APAF1: variants seen among roughly 807,000 people sequenced by gnomAD.
APAF1 encodes apoptotic peptidase activating factor 1, also known as apoptotic protease-activating factor 1.
A neutral mutation model predicts 152.4 loss-of-function variants in APAF1; 91 were observed. The observed-to-expected ratio is 0.60, with a 90% CI of 0.50 to 0.71. The LOEUF is 0.71. Ranked by LOEUF, APAF1 falls within the 30% of genes least tolerant of loss-of-function variation. The pLI is 0.00. For missense variants in APAF1, 1,283 were observed against 1,472.0 expected (o/e 0.87, Z 2.10); for synonymous variants, 484 against 494.1 (o/e 0.98, Z 0.27).
rs893640468 is a variant in APAF1, at chr12:98,735,268, A to C, written c.*2702A>C. On this transcript the variant is annotated 3_prime_UTR_variant, in exon 27 of 27. Transcript: ENST00000551964. ...TTTTTTGTATTATAAATTACATTGGACTTCATATATATAATTTTTTTTTAC... is the reference window on the plus strand; with the variant it reads ...TTTTTTGTATTATAAATTACATTGGCCTTCATATATATAATTTTTTTTTAC... The C allele has an allele frequency of 6.0e-5, 24 of 399,544 alleles. No homozygotes were observed. The highest frequency in any genetic ancestry group is 2.2e-4 in the Admixed American group (5 of 22,812). 24.7% of individuals were successfully genotyped at this position (399,544 alleles called of 1,614,324 possible).
intron 5 of APAF1, among the ~76,000 whole-genome samples, chr12:98,659,715 G>A (rs1367810944): frequency 7.7e-6 from 1 of 129,982 alleles, no homozygotes; most frequent in African/African-American, 2.9e-5. Flanking sequence ...TCGTGCCATT[G>A]CACTCTAGCC....
chr12:98,683,172 A>G lies in APAF1; in HGVS notation c.2076A>G (p.Val692=). Residue 692 remains valine, a synonymous_variant, in exon 15 of 27, where the codon GTA becomes GTG. Coordinates refer to ENST00000551964, the MANE Select transcript of APAF1 (RefSeq NM_181861.2). ...KIWNSMTGEL[V]HTYDEHSEQV... is the part of the protein sequence containing the mutation. Reference sequence around the variant, plus strand: ...GGAATTCTATGACTGGGGAACTAGTACACACCTATGATGAGCACTCAGAGC... The same window carrying G: ...GGAATTCTATGACTGGGGAACTAGTGCACACCTATGATGAGCACTCAGAGC... The G allele has an allele frequency of 6.2e-7, 1 of 1,612,946 alleles. No individual in the cohort carries two copies. The highest frequency in any genetic ancestry group is 1.3e-5 in the African/African-American group (1 of 75,002).
chr12:98,724,623 C>T (rs946864518), intron 24 of APAF1, among the ~76,000 whole-genome samples: 3 of 152,204 alleles, frequency 2.0e-5, no homozygotes, highest in Non-Finnish European at 4.4e-5. Context: ...TCTTCTGAAG[C>T]GTTTCCTGAC....
intron 13 of APAF1, among the ~76,000 whole-genome samples, chr12:98,677,806 A>T (rs2097688171): frequency 6.6e-6 from 1 of 152,202 alleles, no homozygotes; most frequent in African/African-American, 2.4e-5. Flanking sequence ...TCCATTTGTC[A>T]GCTAAGGGTA....
intron 9 of APAF1, among the ~76,000 whole-genome samples, chr12:98,666,839 G>A (rs1467954572): frequency 1.2e-4 from 18 of 146,008 alleles, no homozygotes; most frequent in Non-Finnish European, 2.6e-4. Context: ...TAGGCTGAGA[G>A]TACTTGGTGG....
At chr12:98,727,386 C>T in intron 26 of APAF1, 70 bp downstream of exon 26, 2 of 1,568,394 alleles carry the variant, frequency 1.3e-6, no homozygotes, top group East Asian at 2.2e-5. Context: ...ATTTTCACTT[C>T]CTGTTTCTCA....
chr12:98,723,230 G>A lies in APAF1; in HGVS notation c.3122G>A (p.Arg1041Gln), dbSNP rs1284880203. Reference protein sequence around the residue: ...NWQLDKCIFLRGHQETVKDFR... With the variant: ...NWQLDKCIFLQGHQETVKDFR... ...CAATTGGACAAATGTATCTTTCTAC[G>A]AGGCCATCAGGAAACAGTGAAAGAC... The change falls in exon 23 of 27, where the codon CGA becomes CAA. Residue 1041 changes from arginine to glutamine, a missense_variant. Arg to Gln is a conservative substitution (Grantham distance 43). Coordinates refer to ENST00000551964, the MANE Select transcript of APAF1 (RefSeq NM_181861.2). 5 of 1,613,364 alleles carry A rather than the reference G, an allele frequency of 3.1e-6. No individual in the cohort carries two copies. Among genetic ancestry groups the A allele is most frequent in the Non-Finnish European group, 4.2e-6 (5 of 1,179,542 alleles).
chr12:98,731,379 T>C (rs975926983), intron 26 of APAF1, among the ~76,000 whole-genome samples: 4 of 152,202 alleles, frequency 2.6e-5, no homozygotes, highest in African/African-American at 9.7e-5. Context: ...TTTCGGGTAG[T>C]TGAACTAAGT....
chr12:98,701,123 T>C (rs1376307738), intron 17 of APAF1, among the ~76,000 whole-genome samples: 1 of 152,160 alleles, frequency 6.6e-6, no homozygotes, highest in African/African-American at 2.4e-5. Context: ...CCTATAATGG[T>C]TGAATTTCTG....
In APAF1 at chr12:98,723,751, A is replaced by G. The variant is rs1354234840; in HGVS notation, c.3317A>G (p.Asp1106Gly). 2 of 1,613,868 alleles carry G rather than the reference A, an allele frequency of 1.2e-6. No individual in the cohort carries two copies. The highest frequency in any genetic ancestry group is 2.2e-5 in the South Asian group (2 of 91,082). ...DATKFSSTSA[D>G]KTAKIWSFDL... ...ACCAAGTTTTCATCTACCTCTGCTGACAAGACTGCAAAGGTAGGTCAATCA... is the reference window on the plus strand; with the variant it reads ...ACCAAGTTTTCATCTACCTCTGCTGGCAAGACTGCAAAGGTAGGTCAATCA... Residue 1106 changes from aspartate (D) to glycine (G), a missense_variant, in exon 24 of 27, where the codon GAC (aspartate) becomes GGC (glycine). By Grantham distance (94) the Asp-to-Gly change is moderately conservative. Transcript: ENST00000551964.
intron 12 of APAF1, among the ~76,000 whole-genome samples, chr12:98,673,305 AC>A (rs985877904): frequency 1.2e-4 from 18 of 151,220 alleles, no homozygotes; most frequent in African/African-American, 3.9e-4. Flanking sequence ...ACATGGTGAA[AC>A]CCATCTTTAC....
intron 26 of APAF1, among the ~76,000 whole-genome samples, chr12:98,729,539 TA>T (rs762549428): frequency 2.0e-5 from 3 of 152,214 alleles, no homozygotes; most frequent in Non-Finnish European, 2.9e-5. Context: ...GATGGGTTCC[TA>T]AAAGGCCACA....
At position 98,671,022 on chromosome 12, in the gene APAF1, A is replaced by G; in HGVS notation, c.1544A>G (p.Glu515Gly). Residue 515 changes from glutamate (E) to glycine (G), a missense_variant, in exon 11 of 27, where the codon GAA (glutamate) becomes GGA (glycine). Transcript: ENST00000551964. ...CTGGATTGGATTAAAGCAAAAACAGAACTTGTAGGCCCTGCTCATCTGATT... is the reference window on the plus strand; with the variant it reads ...CTGGATTGGATTAAAGCAAAAACAGGACTTGTAGGCCCTGCTCATCTGATT... ...FSLDWIKAKT[E>G]LVGPAHLIHE... is the part of the protein sequence containing the mutation. 6.2e-7 allele frequency: 1 copy of G among 1,613,138 alleles called. No homozygotes were observed. The highest frequency in any genetic ancestry group is 8.5e-7 in the Non-Finnish European group (1 of 1,179,638).
intron 16 of APAF1, among the ~76,000 whole-genome samples, chr12:98,696,638 T>G (rs897825073): frequency 6.6e-6 from 1 of 152,128 alleles, no homozygotes; most frequent in Non-Finnish European, 1.5e-5. Flanking sequence ...CGCCTGTGCT[T>G]GAAACTTGGG....
intron 22 of APAF1, among the ~76,000 whole-genome samples, chr12:98,721,359 T>C (rs2097742462): frequency 6.6e-6 from 1 of 152,222 alleles, no homozygotes; most frequent in Non-Finnish European, 1.5e-5. Context: ...GAAATGAACA[T>C]TGAATCAGGC....
At chr12:98,662,361 T>C (rs1198693312) in intron 5 of APAF1, 95 bp from the exon 6 acceptor site, 4 of 920,552 alleles carry the variant, frequency 4.3e-6, no homozygotes, top group Non-Finnish European at 6.8e-6. Flanking sequence ...AAAAATTTAA[T>C]TTGGTAGATT....
chr12:98,678,706 C>T (rs934442579), intron 13 of APAF1, among the ~76,000 whole-genome samples: 19 of 152,230 alleles, frequency 1.2e-4, no homozygotes, highest in East Asian at 9.6e-4. Context: ...TGCCTGCTCC[C>T]GCTGCCTGAC....
intron 4 of APAF1, among the ~76,000 whole-genome samples, chr12:98,657,050 C>T (rs1403053303): frequency 6.6e-6 from 1 of 152,214 alleles, no homozygotes; most frequent in African/African-American, 2.4e-5. Context: ...TCCTTAACCT[C>T]TTTGTCTCCT....
rs1565866813 is a variant in APAF1, at chr12:98,670,835, G to A, written c.1495-138G>A. ...TATGTTTCTTTGGAACTATGGATGTGTTCTTTCTCACTAGCTTTTGCATCC... is the reference window on the plus strand; with the variant it reads ...TATGTTTCTTTGGAACTATGGATGTATTCTTTCTCACTAGCTTTTGCATCC... On this transcript the variant is annotated intron_variant, in intron 10 of 26. Transcript: ENST00000551964. The A allele has an allele frequency of 7.9e-6, 5 of 635,738 alleles. No homozygotes were observed. In the East Asian group the frequency reaches 1.1e-4, roughly 14 times the overall value. The allele number at this position is 635,738 out of a possible 1,614,324, so 39.4% of individuals were successfully genotyped here. A position where few individuals can be genotyped will look rare whatever the true frequency, so the allele number is the denominator to read the frequency against.
Sources: gnomAD v4.1 joint callset for allele counts (sites outside exome capture counted in the v4.1 genomes callset) on GRCh38, gnomAD v4.1.1 for gene constraint, MANE v1.5 for transcripts, NCBI Gene and HGNC (gene_info 2026-07-23, HGNC 2026-07-21) for gene names.